Variants in CD101 observed in about 807,000 individuals in gnomAD.
The protein encoded by CD101 is immunoglobulin superfamily member 2.
In CD101, 76 loss-of-function variants were observed where a neutral mutation model predicts 98.2. That is an observed-to-expected ratio of 0.77 (90% CI 0.64 to 0.94). CD101 has a LOEUF of 0.94. CD101 is among the 40% of genes least tolerant of loss of function. CD101 has a pLI of 0.00. For synonymous variants in CD101, 471 were observed against 472.7 expected (o/e 1.00, Z 0.05); for missense variants, 1,145 against 1,218.8 (o/e 0.94, Z 0.90).
In CD101 at chr1:117,012,471, G is replaced by C. The variant is rs1652947508; in HGVS notation, c.841+505G>C. Among the ~76,000 whole-genome samples, 1 of 152,224 alleles carries C rather than the reference G, an allele frequency of 6.6e-6. No homozygotes were observed. The highest frequency in any genetic ancestry group is 2.1e-4 in the South Asian group (1 of 4,834). On this transcript the variant is annotated intron_variant, in intron 3 of 9. Transcript: ENST00000682167. The surrounding 1 kb of genome is among the most constrained non-coding windows in gnomAD (Gnocchi z 4.0). ...ACAGCTGGGCCTCAAAGTAGCTCCA[G>C]TTTCCAACATGAAGCCTTGTCTTCG...
chr1:117,010,915 A>G lies in CD101; in HGVS notation c.425-635A>G, dbSNP rs1214601505. The stretch of plus-strand genomic sequence containing the variant: ...TATTTGTATGCCTCTTTCCCACCAC[A>G]TCCTCAGCTTCTACTCAGTGGCTAG... On this transcript the variant is annotated intron_variant, in intron 2 of 9. Coordinates refer to ENST00000682167, the MANE Select transcript of CD101 (RefSeq NM_001256106.3). The surrounding 1 kb of genome is among the most constrained non-coding windows in gnomAD (Gnocchi z 5.2). Among the ~76,000 whole-genome samples the G allele has an allele frequency of 6.6e-6, 1 of 152,078 alleles. No homozygotes were observed. The highest frequency in any genetic ancestry group is 2.4e-5 in the African/African-American group (1 of 41,406).
At chr1:117,030,425 GACAGAGAA>G (rs1425237688) in intron 8 of CD101, among the ~76,000 whole-genome samples, 2 of 149,070 alleles carry the variant, frequency 1.3e-5, no homozygotes, top group African/African-American at 5.0e-5. Flanking sequence ...GAGAGAAAGA[GACAGAGAA>G]AGAAAGAAAG....
At position 117,017,102 on chromosome 1, in the gene CD101, T is replaced by C; in HGVS notation, c.1241T>C (p.Val414Ala). Residue 414 changes from valine (V) to alanine (A), a missense_variant, in exon 5 of 10, where the codon GTC becomes GCC. Physicochemically the swap from Val to Ala is moderately conservative, Grantham distance 64. Coordinates refer to ENST00000682167, the MANE Select transcript of CD101 (RefSeq NM_001256106.3). The stretch of plus-strand genomic sequence containing the variant: ...CTGTAACTCACAGCAAGAAGTGTGG[T>C]CATGTCTACCAAGAACAAGCAGCAA... ...HLRKPAARSVVMSTKNKQQVV... is the reference protein window; with the variant it reads ...HLRKPAARSVAMSTKNKQQVV... 6.2e-7 allele frequency: 1 copy of C among 1,613,614 alleles called. No individual in the cohort carries two copies. Among genetic ancestry groups the C allele is most frequent in the Non-Finnish European group, 8.5e-7 (1 of 1,179,650 alleles).
At chr1:117,024,080 CTAA>C (rs1245147711) in intron 7 of CD101, among the ~76,000 whole-genome samples, 1 of 152,268 alleles carries the variant, frequency 6.6e-6, no homozygotes, top group East Asian at 1.9e-4. Flanking sequence ...ATTCCATGTG[CTAA>C]TATTCCACGT....
chr1:117,028,727 G>A (rs533972152), intron 8 of CD101, among the ~76,000 whole-genome samples: 2 of 152,224 alleles, frequency 1.3e-5, no homozygotes, highest in Admixed American at 6.5e-5. Context: ...GAGGAGAGTC[G>A]ACAGACTCAG....
rs1652435511 is a variant in CD101 at position 117,004,818 on chromosome 1, G to A, written c.43+2958G>A. On this transcript the variant is annotated intron_variant, in intron 1 of 9. Coordinates refer to ENST00000682167, the MANE Select transcript of CD101 (RefSeq NM_001256106.3). This position sits in a 1 kb window ranked among gnomAD's most constrained non-coding sequence, Gnocchi z 4.1. ...TTTCTTTCACTTTTCTCAGAAAGTA[G>A]TATGTCTTAGACTGTTTGGCGTGTT... Among the ~76,000 whole-genome samples the A allele has an allele frequency of 7.1e-6, 1 of 139,900 alleles. No homozygotes were observed. Among genetic ancestry groups the A allele is most frequent in the Non-Finnish European group, 1.5e-5 (1 of 64,812 alleles). 91.8% of individuals were successfully genotyped at this position (139,900 alleles called of 152,430 possible). A position where few individuals can be genotyped will look rare whatever the true frequency, so the allele number is the denominator to read the frequency against.
intron 8 of CD101, among the ~76,000 whole-genome samples, chr1:117,028,243 G>C (rs1654096155): frequency 6.6e-6 from 1 of 152,172 alleles, no homozygotes; most frequent in African/African-American, 2.4e-5. Context: ...GAAAAGAACA[G>C]GCATTAGGTA....
In CD101 at chr1:117,010,829, G is replaced by A. The variant is rs992546237; in HGVS notation, c.424+599G>A. Among the ~76,000 whole-genome samples the A allele has an allele frequency of 2.0e-5, 3 of 152,090 alleles. No individual in the cohort carries two copies. Among genetic ancestry groups the A allele is most frequent in the African/African-American group, 7.2e-5 (3 of 41,398 alleles). On this transcript the variant is annotated intron_variant, in intron 2 of 9. Transcript: ENST00000682167. This position sits in a 1 kb window ranked among gnomAD's most constrained non-coding sequence, Gnocchi z 5.2. ...CTGCTTGGGCAGAATTCCCACTTTT[G>A]TTTCCTTTAGATTGTTCATACCACT...
intron 8 of CD101, among the ~76,000 whole-genome samples, chr1:117,028,370 T>A (rs1461933129): frequency 6.6e-6 from 1 of 152,148 alleles, no homozygotes; most frequent in Non-Finnish European, 1.5e-5. Context: ...GATAGTCGGG[T>A]CATTTACCAA....
rs1653567210 is a variant in CD101 at position 117,021,299 on chromosome 1, A to C, written c.2018-274A>C. On this transcript the variant is annotated intron_variant, in intron 6 of 9. Transcript: ENST00000682167. This position sits in a 1 kb window ranked among gnomAD's most constrained non-coding sequence, Gnocchi z 4.7. ...ACCACCCCTACCAAGCACAGGTAGC[A>C]CTAGGACTAGTGGATGGAAGTTATG... Among the ~76,000 whole-genome samples the C allele has an allele frequency of 6.6e-6, 1 of 152,236 alleles. No individual in the cohort carries two copies. The highest frequency in any genetic ancestry group is 2.4e-5 in the African/African-American group (1 of 41,468).
Position 117,019,375 on chromosome 1 carries a change from T to C in CD101, c.2017+815T>C, listed in dbSNP as rs1252893941. On this transcript the variant is annotated intron_variant, in intron 6 of 9. Transcript: ENST00000682167. The surrounding 1 kb of genome is among the most constrained non-coding windows in gnomAD (Gnocchi z 4.3). ...TCAAACGTGGTCACTGTCATTATTC[T>C]CTCTGCTGCTGTGCAACATTTTTGG... 2.0e-5 allele frequency among the ~76,000 whole-genome samples: 3 copies of C among 152,178 alleles called. No individual in the cohort carries two copies. Among genetic ancestry groups the C allele is most frequent in the African/African-American group, 7.2e-5 (3 of 41,460 alleles).
chr1:117,016,672 A>G (rs1653238821), intron 4 of CD101, among the ~76,000 whole-genome samples: 1 of 152,334 alleles, frequency 6.6e-6, no homozygotes, highest in African/African-American at 2.4e-5. Flanking sequence ...CAGCCTAGGT[A>G]ACAAAGAGAG....
rs968961590 is a variant in CD101 at position 117,014,679 on chromosome 1, AT to A, written c.1228+895del. Among the ~76,000 whole-genome samples the A allele has an allele frequency of 7.5e-4, 114 of 152,272 alleles. 1 individual carries two copies. The highest frequency in any genetic ancestry group is 4.0e-3 in the Admixed American group (61 of 15,290). On this transcript the variant is annotated intron_variant, in intron 4 of 9. Transcript: ENST00000682167. ...CAGAAAGATTAATTGCCCAAAAAAAATTTTTTTTAATGTTTTAAATTTTTAA... is the reference window on the plus strand; with the variant it reads ...CAGAAAGATTAATTGCCCAAAAAAAATTTTTTTAATGTTTTAAATTTTTAA...
intron 4 of CD101, among the ~76,000 whole-genome samples, chr1:117,016,347 A>G (rs1653218057): frequency 6.6e-6 from 1 of 151,934 alleles, no homozygotes; most frequent in Non-Finnish European, 1.5e-5. Flanking sequence ...AACCAATCAG[A>G]TTGATTAGGG....
At chr1:117,027,098 A>T (rs1442091013) in intron 8 of CD101, among the ~76,000 whole-genome samples, 2 of 152,236 alleles carry the variant, frequency 1.3e-5, no homozygotes, top group African/African-American at 4.8e-5. Context: ...TGAAGATCAC[A>T]ATATAAATAT....
chr1:117,028,428 T>G (rs1003011003), intron 8 of CD101, among the ~76,000 whole-genome samples: 4 of 152,200 alleles, frequency 2.6e-5, no homozygotes, highest in African/African-American at 7.2e-5. Flanking sequence ...TAGTTCAGTT[T>G]TGAATAAGTT....
chr1:117,034,881 C>T (rs1654710582), intron 9 of CD101, among the ~76,000 whole-genome samples: 1 of 152,212 alleles, frequency 6.6e-6, no homozygotes, highest in South Asian at 2.1e-4. Flanking sequence ...CATATCCCCA[C>T]CAAAAGGTCC....
Position 117,012,081 on chromosome 1 carries a change from A to G in CD101, c.841+115A>G, listed in dbSNP as rs1343496022. 1 of 978,796 alleles carries G rather than the reference A, an allele frequency of 1.0e-6. No homozygotes were observed. The highest frequency in any genetic ancestry group is 1.5e-6 in the Non-Finnish European group (1 of 668,010). The allele number at this position is 978,796 out of a possible 1,614,324, so 60.6% of individuals were successfully genotyped here. A position where few individuals can be genotyped will look rare whatever the true frequency, so the allele number is the denominator to read the frequency against. ...GTTGGCTCTAAAAAATTGGCTAGAA[A>G]GTTTGATTTAATTTTGTATTTTTGT... is the stretch of plus-strand genomic sequence containing the variant. On this transcript the variant is annotated intron_variant, in intron 3 of 9. Coordinates refer to ENST00000682167, the MANE Select transcript of CD101 (RefSeq NM_001256106.3). The surrounding 1 kb of genome is among the most constrained non-coding windows in gnomAD (Gnocchi z 4.0).
intron 8 of CD101, among the ~76,000 whole-genome samples, chr1:117,029,194 A>AG (rs1553188303): frequency 9.2e-5 from 4 of 43,450 alleles, no homozygotes; most frequent in African/African-American, 2.0e-4. Context: ...AAAGAAAGAA[A>AG]GAAAGAAAGA....
Sources: gnomAD v4.1 joint callset for allele counts (sites outside exome capture counted in the v4.1 genomes callset) on GRCh38, gnomAD v4.1.1 for gene constraint, Gnocchi (gnomAD v3.1) non-coding constraint, MANE v1.5 for transcripts, NCBI Gene and HGNC (gene_info 2026-07-23, HGNC 2026-07-21) for gene names.